The following DPP6 variants were observed in gnomAD, a reference collection of about 807,000 sequenced individuals.
The protein encoded by DPP6 is A-type potassium channel modulatory protein DPP6.
Under a neutral mutation model 122.6 loss-of-function variants are expected in DPP6, and 69 were observed. That is an observed-to-expected ratio of 0.56 (90% confidence interval 0.46 to 0.69). The LOEUF (loss-of-function observed/expected upper bound fraction) is 0.69, where lower values mean the gene tolerates loss of function less well. Ranked by LOEUF, DPP6 falls within the 30% of genes least tolerant of loss-of-function variation. The pLI, the probability that DPP6 is intolerant of heterozygous loss-of-function variation, is 0.00. For synonymous variants in DPP6, 418 were observed against 433.1 expected, an observed-to-expected ratio of 0.97 and a Z score of 0.43; for missense variants, 928 against 1,116.9, an observed-to-expected ratio of 0.83 and a Z score of 2.41.
At position 154,760,243 on chromosome 7, in the gene DPP6, G is replaced by T. The variant is rs907376420; in HGVS notation, c.884-9174G>T. The stretch of plus-strand genomic sequence containing the variant: ...AAAGGATTCAGCAGGCGGATTCTGG[G>T]ATTAGCAGGTGATTGGTGGAAGGAA... On this transcript the variant is annotated intron_variant, in intron 8 of 25. Coordinates refer to ENST00000377770, the MANE Select transcript of DPP6 (RefSeq NM_130797.4). The surrounding 1 kb of genome is among the most constrained non-coding windows in gnomAD (Gnocchi z 4.5). Among the ~76,000 whole-genome samples the T allele has an allele frequency of 6.6e-6, 1 of 152,194 alleles. No individual in the cohort carries two copies. Among genetic ancestry groups the T allele is most frequent in the Non-Finnish European group, 1.5e-5 (1 of 68,044 alleles).
chr7:153,877,766 A>G, the DPP6 span, among the ~76,000 whole-genome samples: 6 of 152,336 alleles, frequency 3.9e-5, no homozygotes, highest in East Asian at 7.7e-4. Context: ...ACCAGGGAAG[A>G]TTGAATTTTT....
intron 16 of DPP6, among the ~76,000 whole-genome samples, chr7:154,836,179 G>A (rs562901556): frequency 6.6e-5 from 10 of 152,330 alleles, no homozygotes; most frequent in East Asian, 5.8e-4. Flanking sequence ...GCCGCCTGCC[G>A]CCCGGCTTTC....
chr7:154,722,621 C>T (rs560685362), intron 7 of DPP6, among the ~76,000 whole-genome samples: 9 of 152,102 alleles, frequency 5.9e-5, no homozygotes, highest in East Asian at 5.8e-4. Context: ...AAATCAGGGG[C>T]GGCAGCAGGA....
At chr7:153,907,836 T>C (rs1799912758) in intron 1 of DPP6, among the ~76,000 whole-genome samples, 1 of 152,180 alleles carries the variant, frequency 6.6e-6, no homozygotes, top group Non-Finnish European at 1.5e-5. Context: ...TCTTTCTATA[T>C]ACGTATGTGT....
At chr7:153,764,807 C>T in the DPP6 span, among the ~76,000 whole-genome samples, 6 of 151,672 alleles carry the variant, frequency 4.0e-5, no homozygotes, top group Non-Finnish European at 7.4e-5. Context: ...GAAACACCCA[C>T]ATTTTCCCAC....
chr7:153,844,316 G>A, the DPP6 span, among the ~76,000 whole-genome samples: 63 of 152,266 alleles, frequency 4.1e-4, no homozygotes, highest in South Asian at 1.0e-3. Flanking sequence ...ATGGCTTGGC[G>A]CTGATCCTGA....
intron 5 of DPP6, among the ~76,000 whole-genome samples, chr7:154,631,260 G>T (rs73165046): frequency 0.071 from 10,777 of 152,260 alleles, 399 homozygotes; most frequent in African/African-American, 0.089. Context: ...AGAGAAAGGT[G>T]AAGAGCCTGG....
intron 1 of DPP6, among the ~76,000 whole-genome samples, chr7:154,435,596 C>T (rs555122024): frequency 5.3e-5 from 8 of 152,298 alleles, no homozygotes; most frequent in African/African-American, 1.9e-4. Context: ...ACCCCCCAGG[C>T]TCCTGGATGA....
At chr7:154,580,063 G>A (rs1057507053) in intron 5 of DPP6, among the ~76,000 whole-genome samples, 3 of 151,968 alleles carry the variant, frequency 2.0e-5, no homozygotes, top group South Asian at 2.1e-4. Context: ...TTTCCCGCGC[G>A]TCGGAGGGGA....
At chr7:154,598,173 A>C (rs1288985557) in intron 5 of DPP6, among the ~76,000 whole-genome samples, 1 of 152,220 alleles carries the variant, frequency 6.6e-6, no homozygotes, top group Non-Finnish European at 1.5e-5. Context: ...TATTTACCAA[A>C]ATCAGGACCA....
At chr7:153,914,470 T>C (rs1447258105) in intron 1 of DPP6, among the ~76,000 whole-genome samples, 2 of 152,224 alleles carry the variant, frequency 1.3e-5, no homozygotes, top group African/African-American at 2.4e-5. Context: ...GGAGCCCTTT[T>C]AAATTGCAGA....
intron 1 of DPP6, among the ~76,000 whole-genome samples, chr7:153,966,861 A>G (rs1795769211): frequency 6.6e-6 from 1 of 151,158 alleles, no homozygotes; most frequent in Non-Finnish European, 1.5e-5. Flanking sequence ...GAGCTCGCAA[A>G]TTCAAGTCCA....
chr7:154,010,260 C>T (rs1390242400), intron 1 of DPP6, among the ~76,000 whole-genome samples: 8 of 152,242 alleles, frequency 5.3e-5, no homozygotes, highest in Non-Finnish European at 1.5e-5. Context: ...CACAGCAAAT[C>T]TGCCTCAGCA....
chr7:154,064,975 A>C (rs1335714368), intron 1 of DPP6, among the ~76,000 whole-genome samples: 4 of 152,138 alleles, frequency 2.6e-5, no homozygotes, highest in Non-Finnish European at 4.4e-5. Flanking sequence ...CCTTTTCCTT[A>C]CAAGAGCTTC....
Position 154,804,903 on chromosome 7 carries a change from G to A in DPP6, c.1500-14G>A. 2 of 1,598,968 alleles carry A rather than the reference G, an allele frequency of 1.3e-6. No individual in the cohort carries two copies. The highest frequency in any genetic ancestry group is 1.7e-6 in the Non-Finnish European group (2 of 1,172,392). Reference sequence around the variant, plus strand: ...GGAGCAAACTAACCCTGTGCACCTTGGTGATCTTTGCAGCTACTTCCTGAG... The same window carrying A: ...GGAGCAAACTAACCCTGTGCACCTTAGTGATCTTTGCAGCTACTTCCTGAG... On this transcript the variant is annotated splice_polypyrimidine_tract_variant and intron_variant, in intron 14 of 25. Coordinates refer to ENST00000377770, the MANE Select transcript of DPP6 (RefSeq NM_130797.4).
intron 3 of DPP6, among the ~76,000 whole-genome samples, chr7:154,502,665 C>A (rs1449127533): frequency 6.6e-6 from 1 of 152,110 alleles, no homozygotes; most frequent in Non-Finnish European, 1.5e-5. Flanking sequence ...ATTGCCCAGT[C>A]TCGAGTATGT....
chr7:154,502,377 A>G (rs1017910618), intron 3 of DPP6, among the ~76,000 whole-genome samples: 2 of 152,150 alleles, frequency 1.3e-5, no homozygotes, highest in African/African-American at 4.8e-5. Context: ...GTCCCCACCC[A>G]AATCTCATCT....
intron 1 of DPP6, among the ~76,000 whole-genome samples, chr7:154,016,826 T>G (rs1182100343): frequency 6.6e-6 from 1 of 152,154 alleles, no homozygotes; most frequent in Non-Finnish European, 1.5e-5. Flanking sequence ...CCACTTCATT[T>G]TGAGCCATTA....
intron 3 of DPP6, among the ~76,000 whole-genome samples, chr7:154,476,412 G>A (rs186013017): frequency 1.9e-3 from 285 of 152,312 alleles, no homozygotes; most frequent in Non-Finnish European, 3.3e-3. Flanking sequence ...CTGTATGTTC[G>A]TGTACACCCG....
Sources: allele counts gnomAD v4.1 joint callset (sites outside exome capture counted in the v4.1 genomes callset), GRCh38; gene constraint gnomAD v4.1.1; non-coding constraint Gnocchi (gnomAD v3.1); transcripts MANE v1.5; gene names NCBI Gene and HGNC (gene_info 2026-07-23, HGNC 2026-07-21).